Variants in BBS9 observed in about 807,000 individuals in gnomAD.
BBS9 encodes the protein protein PTHB1.
BBS9 carries 89 observed loss-of-function variants against 117.7 expected under a neutral mutation model. The observed-to-expected ratio is 0.76, with a 90% CI of 0.64 to 0.90. The LOEUF is 0.90. Among genes scored for constraint, BBS9 ranks in the 40% least tolerant of loss-of-function variants. The pLI is 0.00. For synonymous variants in BBS9, 379 were observed against 370.9 expected, an observed-to-expected ratio of 1.02 and a Z score of -0.25; for missense variants, 982 against 1,042.2, an observed-to-expected ratio of 0.94 and a Z score of 0.80.
intron 21 of BBS9, among the ~76,000 whole-genome samples, chr7:33,572,409 G>A (rs1857957580): frequency 6.6e-6 from 1 of 152,110 alleles, no homozygotes; most frequent in Non-Finnish European, 1.5e-5. Flanking sequence ...ACATGGGAAT[G>A]CAGATCTCTC....
intron 21 of BBS9, among the ~76,000 whole-genome samples, chr7:33,597,887 AC>A (rs1364564468): frequency 1.2e-4 from 18 of 147,692 alleles, no homozygotes; most frequent in African/African-American, 2.6e-4. Context: ...AAAAAAAAAA[AC>A]AAAACAAAAA....
chr7:33,442,343 A>T (rs561089127), intron 19 of BBS9, among the ~76,000 whole-genome samples: 2 of 152,350 alleles, frequency 1.3e-5, no homozygotes, highest in South Asian at 4.1e-4. Flanking sequence ...TGCATAATTC[A>T]GGCTGTAAAA....
At chr7:33,185,526 G>T (rs1798695570) in intron 5 of BBS9, among the ~76,000 whole-genome samples, 1 of 152,108 alleles carries the variant, frequency 6.6e-6, no homozygotes, top group African/African-American at 2.4e-5. Flanking sequence ...CAGAACTTAG[G>T]TAGAAGAAAG....
intron 9 of BBS9, among the ~76,000 whole-genome samples, chr7:33,281,729 G>A (rs1179059474): frequency 1.3e-5 from 2 of 151,880 alleles, no homozygotes; most frequent in Admixed American, 1.3e-4. Flanking sequence ...GATATAGGGT[G>A]TTATTATATT....
At chr7:33,620,431 T>C (rs754987714) in intron 21 of BBS9, among the ~76,000 whole-genome samples, 28 of 151,834 alleles carry the variant, frequency 1.8e-4, no homozygotes, top group South Asian at 4.1e-4. Flanking sequence ...AATCAACATA[T>C]AAAAATCTGT....
At chr7:33,558,515 T>C (rs929069415) in intron 21 of BBS9, among the ~76,000 whole-genome samples, 1 of 152,120 alleles carries the variant, frequency 6.6e-6, no homozygotes. Context: ...GGGAGAATGA[T>C]GTGAGATGGC....
intron 21 of BBS9, among the ~76,000 whole-genome samples, chr7:33,624,842 T>C (rs1350706196): frequency 6.6e-6 from 1 of 152,050 alleles, no homozygotes; most frequent in Non-Finnish European, 1.5e-5. Context: ...ATCCTGATTA[T>C]AGAGGAAGCT....
At chr7:33,274,544 A>G (rs781407520) in intron 9 of BBS9, among the ~76,000 whole-genome samples, 1 of 152,250 alleles carries the variant, frequency 6.6e-6, no homozygotes, top group Admixed American at 6.5e-5. Flanking sequence ...GGTCATCAGT[A>G]TAAAAACTGA....
intron 6 of BBS9, among the ~76,000 whole-genome samples, chr7:33,262,191 A>T (rs552021151): frequency 1.3e-5 from 2 of 152,336 alleles, no homozygotes; most frequent in African/African-American, 4.8e-5. Flanking sequence ...TTTGGAAATC[A>T]GTAGTCAATT....
intron 9 of BBS9, among the ~76,000 whole-genome samples, chr7:33,308,599 A>G (rs1227680740): frequency 1.3e-5 from 2 of 152,154 alleles, no homozygotes; most frequent in Admixed American, 6.5e-5. Context: ...TTCTGTACCT[A>G]GGATTTGTAT....
At chr7:33,295,986 G>C (rs1323011501) in intron 9 of BBS9, among the ~76,000 whole-genome samples, 1 of 152,030 alleles carries the variant, frequency 6.6e-6, no homozygotes, top group Non-Finnish European at 1.5e-5. Flanking sequence ...TGTAACATGA[G>C]TAAGAAAAAT....
At chr7:33,397,047 A>C (rs749207007) in intron 19 of BBS9, among the ~76,000 whole-genome samples, 15 of 152,304 alleles carry the variant, frequency 9.8e-5, no homozygotes, top group South Asian at 4.1e-4. Context: ...CAACCTACAG[A>C]ATGGGAGAAA....
At position 33,621,542 on chromosome 7, in the gene BBS9, G is replaced by A. The variant is rs553512195; in HGVS notation, c.2522-13635G>A. On this transcript the variant is annotated intron_variant, in intron 21 of 21. Transcript: ENST00000671952. Reference sequence around the variant, plus strand: ...TGATCAAAAAGACAAAAGTGCTGGCGAGAAAGTGGAGTAAAAGGAACCCTT... The same window carrying A: ...TGATCAAAAAGACAAAAGTGCTGGCAAGAAAGTGGAGTAAAAGGAACCCTT... Among the ~76,000 whole-genome samples, 7 of 152,208 alleles carry A rather than the reference G, an allele frequency of 4.6e-5. No individual in the cohort carries two copies. The South Asian group carries it at 1.5e-3, about 32-fold the overall frequency.
chr7:33,407,578 G>A (rs1327035294), intron 19 of BBS9, among the ~76,000 whole-genome samples: 53 of 151,400 alleles, frequency 3.5e-4, no homozygotes, highest in Non-Finnish European at 1.6e-4. Context: ...TCTACTTTTG[G>A]TCTTTGATGA....
chr7:33,359,413 A>G (rs1820219268), intron 16 of BBS9, among the ~76,000 whole-genome samples: 1 of 152,048 alleles, frequency 6.6e-6, no homozygotes, highest in African/African-American at 2.4e-5. Context: ...AAGAAAGCTT[A>G]GATGACTTAT....
chr7:33,418,263 C>T (rs1015716612), intron 19 of BBS9, among the ~76,000 whole-genome samples: 4 of 152,118 alleles, frequency 2.6e-5, no homozygotes, highest in Non-Finnish European at 5.9e-5. Context: ...GTGATACTTC[C>T]GTTGAGATTT....
chr7:33,493,510 G>A (rs1349080402), intron 19 of BBS9, among the ~76,000 whole-genome samples: 5 of 152,154 alleles, frequency 3.3e-5, no homozygotes, highest in Non-Finnish European at 7.4e-5. Flanking sequence ...TCTAATGAAA[G>A]TACGTCTCAT....
intron 21 of BBS9, among the ~76,000 whole-genome samples, chr7:33,628,725 A>T (rs1203969142): frequency 6.6e-6 from 1 of 152,238 alleles, no homozygotes; most frequent in East Asian, 1.9e-4. Context: ...ATTGGAAAGG[A>T]ATAAATAAAA....
chr7:33,216,925 T>C (rs1476727685), intron 5 of BBS9, among the ~76,000 whole-genome samples: 2 of 152,078 alleles, frequency 1.3e-5, no homozygotes, highest in Non-Finnish European at 2.9e-5. Context: ...GAAACCCATC[T>C]CTACTAAAAA....
Sources: allele counts gnomAD v4.1 joint callset (sites outside exome capture counted in the v4.1 genomes callset), GRCh38; gene constraint gnomAD v4.1.1; transcripts MANE v1.5; gene names NCBI Gene and HGNC (gene_info 2026-07-23, HGNC 2026-07-21).